BSN: variants seen among roughly 807,000 people sequenced by gnomAD.
The protein encoded by BSN is bassoon presynaptic cytomatrix protein, also known as protein bassoon.
Under a neutral mutation model 264.8 loss-of-function variants are expected in BSN, and 57 were observed. The observed-to-expected ratio is 0.22, with a 90% CI of 0.17 to 0.27. The LOEUF (loss-of-function observed/expected upper bound fraction) is 0.27. Among genes scored for constraint, BSN ranks in the 10% least tolerant of loss-of-function variants. BSN has a pLI of 1.00. For synonymous variants in BSN, 2,059 were observed against 2,137.3 expected, an observed-to-expected ratio of 0.96 and a Z score of 1.01; for missense variants, 4,615 against 5,232.5, an observed-to-expected ratio of 0.88 and a Z score of 3.64.
chr3:49,555,972 T>C lies in BSN; in HGVS notation c.224+1146T>C, dbSNP rs1274400862. 5.9e-5 allele frequency among the ~76,000 whole-genome samples: 9 copies of C among 152,236 alleles called. No individual in the cohort carries two copies. The South Asian group carries it at 1.4e-3, about 25-fold the overall frequency. The stretch of plus-strand genomic sequence containing the variant: ...TAGACAACTAACAGTAATGAAAGGC[T>C]GTTAGTAGCTTGAAACCTGCGGCAG... On this transcript the variant is annotated intron_variant, in intron 1 of 11. Coordinates refer to ENST00000296452, the MANE Select transcript of BSN (RefSeq NM_003458.4).
chr3:49,567,559 C>T (rs761966237), intron 1 of BSN, among the ~76,000 whole-genome samples: 3 of 152,184 alleles, frequency 2.0e-5, no homozygotes, highest in South Asian at 2.1e-4. Flanking sequence ...GTTCTTCTTA[C>T]GGAGATGAGA....
chr3:49,634,411 A>C (rs2052406379), intron 2 of BSN, among the ~76,000 whole-genome samples: 2 of 152,092 alleles, frequency 1.3e-5, no homozygotes, highest in Non-Finnish European at 2.9e-5. Flanking sequence ...AACAATGCAA[A>C]ATTTTTTTTT....
At chr3:49,616,152 T>C (rs1162170195) in intron 1 of BSN, among the ~76,000 whole-genome samples, 1 of 152,244 alleles carries the variant, frequency 6.6e-6, no homozygotes, top group Non-Finnish European at 1.5e-5. Flanking sequence ...GGCCACTGGC[T>C]TGAAGGCTGG....
At chr3:49,584,410 C>A (rs2051918568) in intron 1 of BSN, among the ~76,000 whole-genome samples, 1 of 151,390 alleles carries the variant, frequency 6.6e-6, no homozygotes, top group Non-Finnish European at 1.5e-5. Flanking sequence ...TTAGTTTGCT[C>A]TTCTTTTTCT....
chr3:49,615,936 G>A (rs2052256451), intron 1 of BSN, among the ~76,000 whole-genome samples: 1 of 152,152 alleles, frequency 6.6e-6, no homozygotes. Context: ...ATATGCCAAG[G>A]GGTTGAGGAA....
intron 1 of BSN, among the ~76,000 whole-genome samples, chr3:49,591,024 T>TCA (rs2051973136): frequency 6.7e-6 from 1 of 150,168 alleles, no homozygotes. Context: ...TGAGCTGAGA[T>TCA]CACACCATTG....
chr3:49,661,251 G>T lies in BSN; in HGVS notation c.9406G>T (p.Ala3136Ser), dbSNP rs373736181. The T allele has an allele frequency of 5.6e-6, 9 of 1,613,576 alleles. No individual in the cohort carries two copies. In the Admixed American group the frequency reaches 1.5e-4, roughly 27 times the overall value. The stretch of plus-strand genomic sequence containing the variant: ...ACAGAGCACCCTTTTTCCAGTCCCC[G>T]CTGATAGCCGTGCCCCACTGCAGAA... ...TTQSTLFPVP[A>S]DSRAPLQKPR... The change falls in exon 6 of 12, where the codon GCT (alanine) becomes TCT (serine). Residue 3136 changes from alanine to serine, a missense_variant. This residue lies in a region of BSN where 3,415 missense variants were observed against 3,866.4 expected (regional missense o/e 0.88). Transcript: ENST00000296452.
At chr3:49,629,070 AG>A in intron 2 of BSN, among the ~76,000 whole-genome samples, 1 of 152,314 alleles carries the variant, frequency 6.6e-6, no homozygotes, top group East Asian at 1.9e-4. Context: ...CACTGATGCC[AG>A]GGGGCCAGAG....
chr3:49,615,086 G>A (rs1214852009), intron 1 of BSN, among the ~76,000 whole-genome samples: 3 of 152,152 alleles, frequency 2.0e-5, no homozygotes, highest in Non-Finnish European at 4.4e-5. Context: ...TCTCATGCTG[G>A]ACTCTTTCTC....
In BSN at chr3:49,652,600, G is replaced by A. The variant is rs752273895; in HGVS notation, c.3044G>A (p.Arg1015His). 37 of 1,613,342 alleles carry A rather than the reference G, an allele frequency of 2.3e-5. 1 individual carries two copies. Among genetic ancestry groups the A allele is most frequent in the South Asian group, 1.1e-4 (10 of 91,080 alleles). Residue 1015 changes from arginine (R) to histidine (H), a missense_variant, in exon 5 of 12, where the codon CGT (arginine) becomes CAT (histidine). Arg to His is a conservative substitution (Grantham distance 29). Transcript: ENST00000296452. ...GACAGCAGCCCCAGCCGCAGGCAGCGTCTAGAAGAAGCAAAGCAGCAGCGC... is the reference window on the plus strand; with the variant it reads ...GACAGCAGCCCCAGCCGCAGGCAGCATCTAGAAGAAGCAAAGCAGCAGCGC... ...DSDSSPSRRQ[R>H]LEEAKQQRKA...
intron 1 of BSN, among the ~76,000 whole-genome samples, chr3:49,565,866 G>C (rs1041270391): frequency 2.0e-5 from 3 of 151,920 alleles, no homozygotes; most frequent in Non-Finnish European, 4.4e-5. Context: ...CTATTGCCTA[G>C]GCTAGAGTGC....
chr3:49,663,893 C>G lies in BSN; in HGVS notation c.11608+7C>G, dbSNP rs1031505317. On this transcript the variant is annotated splice_region_variant and intron_variant, in intron 8 of 11. Transcript: ENST00000296452. ...CCAGGACCTGGACCTGCAGGTGAGC[C>G]TATCCTTTGACACCCTTGGCTGTGG... 5.6e-6 allele frequency: 9 copies of G among 1,613,236 alleles called. No individual in the cohort carries two copies. In the African/African-American group the frequency reaches 1.1e-4, roughly 19 times the overall value.
chr3:49,558,565 A>G (rs530309933), intron 1 of BSN, among the ~76,000 whole-genome samples: 28 of 152,366 alleles, frequency 1.8e-4, no homozygotes, highest in African/African-American at 6.0e-4. Flanking sequence ...TTGTTACATT[A>G]TATCAGCCAA....
Position 49,554,642 on chromosome 3 carries a change from G to C in BSN, c.40G>C (p.Gly14Arg), listed in dbSNP as rs1366530182. Residue 14 changes from glycine to arginine, a missense_variant, in exon 1 of 12, where the codon GGG (glycine) becomes CGG (arginine). Transcript: ENST00000296452. ...CAGCCTGGAGGGCGGCGCTGGCGAC[G>C]GGCCGCTGCCGCCCGGCGGCGCCGG... ...EVSLEGGAGDGPLPPGGAGPG... is the reference protein window; with the variant it reads ...EVSLEGGAGDRPLPPGGAGPG... The C allele has an allele frequency of 1.8e-5, 18 of 984,028 alleles. No homozygotes were observed. Among genetic ancestry groups the C allele is most frequent in the East Asian group, 2.3e-4 (2 of 8,834 alleles). 61.0% of individuals were successfully genotyped at this position (984,028 alleles called of 1,614,324 possible).
intron 1 of BSN, among the ~76,000 whole-genome samples, chr3:49,563,081 A>G (rs1237024683): frequency 6.6e-6 from 1 of 152,218 alleles, no homozygotes; most frequent in Non-Finnish European, 1.5e-5. Context: ...GTCTAAATCA[A>G]AAGTACATTG....
In BSN at chr3:49,623,198, C is replaced by A. The variant is rs954100071; in HGVS notation, c.225-1777C>A. 2.6e-5 allele frequency among the ~76,000 whole-genome samples: 4 copies of A among 152,116 alleles called. 1 individual carries two copies. The highest frequency in any genetic ancestry group is 9.7e-5 in the African/African-American group (4 of 41,424). On this transcript the variant is annotated intron_variant, in intron 1 of 11. Coordinates refer to ENST00000296452, the MANE Select transcript of BSN (RefSeq NM_003458.4). ...CAAGCAGATGGCCTTCAGATGGGGG[C>A]AGCAAACTTAGAATCTTCTCCTGGG...
At chr3:49,604,563 G>A (rs371534122) in intron 1 of BSN, among the ~76,000 whole-genome samples, 27 of 152,042 alleles carry the variant, frequency 1.8e-4, no homozygotes, top group African/African-American at 5.1e-4. Flanking sequence ...TTTAAGGGTC[G>A]AATAATACTC....
chr3:49,612,826 T>C (rs1280059839), intron 1 of BSN, among the ~76,000 whole-genome samples: 1 of 152,108 alleles, frequency 6.6e-6, no homozygotes, highest in Non-Finnish European at 1.5e-5. Flanking sequence ...AAAGAACACA[T>C]AAATCTTTTG....
intron 1 of BSN, among the ~76,000 whole-genome samples, chr3:49,605,843 A>C (rs1415264674): frequency 9.3e-5 from 6 of 64,522 alleles, no homozygotes; most frequent in African/African-American, 1.8e-4. Context: ...ATAAATATAT[A>C]TATTTATATA....
Sources: allele counts gnomAD v4.1 joint callset (sites outside exome capture counted in the v4.1 genomes callset), GRCh38; gene constraint gnomAD v4.1.1; regional missense constraint gnomAD v4.1.1; transcripts MANE v1.5; gene names NCBI Gene and HGNC (gene_info 2026-07-23, HGNC 2026-07-21).